Variants in CADM1 observed in about 807,000 individuals in gnomAD.
CADM1 encodes TSLC-1.
A neutral mutation model predicts 53.1 loss-of-function variants in CADM1; 15 were observed. The ratio of observed to expected loss-of-function variants is 0.28; its 90% confidence interval spans 0.19 to 0.44. CADM1 has a LOEUF of 0.44. Among genes scored for constraint, CADM1 ranks in the 20% least tolerant of loss-of-function variants. CADM1 has a pLI of 1.00. For missense variants in CADM1, 434 were observed against 611.3 expected (o/e 0.71, Z 3.06); for synonymous variants, 281 against 243.0 (o/e 1.16, Z -1.45).
rs1437775883 is a variant in CADM1 at position 115,190,827 on chromosome 11, A to T, written c.1165+61T>A. On this transcript the variant is annotated intron_variant, in intron 10 of 11. Coordinates refer to ENST00000331581, the MANE Select transcript of CADM1 (RefSeq NM_001301043.2). ...AGCAAACCAAATGGCCATTTTGTAG[A>T]AGTGGATAGAGCACCCACAGGTTGG... 7.1e-6 allele frequency: 10 copies of T among 1,400,348 alleles called. No homozygotes were observed. In the African/African-American group the frequency reaches 8.5e-5, roughly 12 times the overall value. The allele number at this position is 1,400,348 out of a possible 1,614,324, so 86.7% of individuals were successfully genotyped here.
intron 1 of CADM1, among the ~76,000 whole-genome samples, chr11:115,259,149 C>A (rs1942886061): frequency 6.6e-6 from 1 of 152,088 alleles, no homozygotes; most frequent in Non-Finnish European, 1.5e-5. Context: ...CCACGCCCAG[C>A]TAATTTTTGT....
At chr11:115,207,521 G>A (rs950484557) in intron 8 of CADM1, among the ~76,000 whole-genome samples, 8 of 152,156 alleles carry the variant, frequency 5.3e-5, no homozygotes, top group South Asian at 2.1e-4. Context: ...GAACTGAAGC[G>A]ACTCTGCTGA....
chr11:115,281,579 T>G (rs7931895), intron 1 of CADM1, among the ~76,000 whole-genome samples: 48,376 of 152,024 alleles, frequency 0.32, 8,202 homozygotes, highest in African/African-American at 0.4. Flanking sequence ...AATGGCCACC[T>G]CCAGTTTCAT....
chr11:115,285,577 G>A (rs1348958228), intron 1 of CADM1, among the ~76,000 whole-genome samples: 2 of 152,102 alleles, frequency 1.3e-5, no homozygotes, highest in African/African-American at 2.4e-5. Context: ...GAAAAGACAT[G>A]GGCTAGAAAT....
At chr11:115,239,122 A>G (rs1942121010) in intron 2 of CADM1, among the ~76,000 whole-genome samples, 1 of 152,204 alleles carries the variant, frequency 6.6e-6, no homozygotes, top group Non-Finnish European at 1.5e-5. Context: ...AAATGCCTCA[A>G]AAATTGTAAG....
At chr11:115,264,830 G>A (rs557462383) in intron 1 of CADM1, among the ~76,000 whole-genome samples, 1 of 152,178 alleles carries the variant, frequency 6.6e-6, no homozygotes, top group Non-Finnish European at 1.5e-5. Context: ...CAATCATGAT[G>A]ATTTCTCTTA....
chr11:115,200,614 G>A (rs189632867), intron 8 of CADM1, among the ~76,000 whole-genome samples: 2 of 152,162 alleles, frequency 1.3e-5, no homozygotes, highest in Non-Finnish European at 2.9e-5. Context: ...TCCTGCCTCA[G>A]CCTCCCGAGT....
At chr11:115,321,501 A>C in intron 1 of CADM1, among the ~76,000 whole-genome samples, 1 of 152,198 alleles carries the variant, frequency 6.6e-6, no homozygotes, top group East Asian at 1.9e-4. Flanking sequence ...ATCATATTCC[A>C]ATGCATTTTT....
intron 1 of CADM1, among the ~76,000 whole-genome samples, chr11:115,421,310 T>C (rs755609622): frequency 2.6e-5 from 4 of 152,164 alleles, no homozygotes; most frequent in Admixed American, 6.5e-5. Flanking sequence ...CTTAACCAAA[T>C]GAATGAGGGA....
rs1372564256 is a variant in CADM1 at position 115,382,406 on chromosome 11, G to A, written c.124+121865C>T. ...AAAAAGCTTACAGCTTAAGGGCTGT[G>A]CAGATCAAGAATGAGCAAACAAATG... On this transcript the variant is annotated intron_variant, in intron 1 of 11. Coordinates refer to ENST00000331581, the MANE Select transcript of CADM1 (RefSeq NM_001301043.2). 2.0e-5 allele frequency among the ~76,000 whole-genome samples: 3 copies of A among 152,266 alleles called. No individual in the cohort carries two copies. The East Asian group carries it at 5.8e-4, about 29-fold the overall frequency.
intron 1 of CADM1, among the ~76,000 whole-genome samples, chr11:115,475,133 T>C (rs1012338517): frequency 2.6e-5 from 4 of 152,142 alleles, no homozygotes; most frequent in African/African-American, 7.2e-5. Context: ...TGGTATACTA[T>C]TTGCATAGAA....
intron 1 of CADM1, among the ~76,000 whole-genome samples, chr11:115,315,559 A>C (rs1045047351): frequency 2.9e-4 from 44 of 152,052 alleles, no homozygotes; most frequent in African/African-American, 9.9e-4. Context: ...TTAAATTCAC[A>C]TGGCCACCTC....
At chr11:115,468,097 A>G (rs2135385740) in intron 1 of CADM1, among the ~76,000 whole-genome samples, 1 of 152,384 alleles carries the variant, frequency 6.6e-6, no homozygotes, top group African/African-American at 2.4e-5. Context: ...TGGTATCTAC[A>G]AGAAAGATAA....
At chr11:115,464,166 C>CA (rs1275019107) in intron 1 of CADM1, among the ~76,000 whole-genome samples, 2 of 152,078 alleles carry the variant, frequency 1.3e-5, no homozygotes, top group East Asian at 3.9e-4. Context: ...CTGAACAAAA[C>CA]AATCCACAAG....
chr11:115,238,915 C>T (rs1468829102), intron 2 of CADM1, among the ~76,000 whole-genome samples: 1 of 152,018 alleles, frequency 6.6e-6, no homozygotes, highest in Non-Finnish European at 1.5e-5. Context: ...CAGCTACGCA[C>T]CCTTCTAACT....
At chr11:115,188,401 T>C (rs981634796) in intron 10 of CADM1, among the ~76,000 whole-genome samples, 1 of 152,194 alleles carries the variant, frequency 6.6e-6, no homozygotes, top group Non-Finnish European at 1.5e-5. Flanking sequence ...ATAATTTCTT[T>C]ATGCAGATTA....
At chr11:115,264,772 G>A (rs113230975) in intron 1 of CADM1, among the ~76,000 whole-genome samples, 87 of 152,300 alleles carry the variant, frequency 5.7e-4, no homozygotes, top group African/African-American at 1.8e-3. Flanking sequence ...GACAATGAAC[G>A]TGCTGTTTGA....
intron 1 of CADM1, among the ~76,000 whole-genome samples, chr11:115,470,243 G>A (rs1015350543): frequency 6.6e-6 from 1 of 152,036 alleles, no homozygotes; most frequent in Non-Finnish European, 1.5e-5. Context: ...TTAGACCACT[G>A]GACAGTTCCA....
intron 1 of CADM1, among the ~76,000 whole-genome samples, chr11:115,254,373 G>A (rs1942705550): frequency 6.6e-6 from 1 of 151,202 alleles, no homozygotes; most frequent in Non-Finnish European, 1.5e-5. Context: ...ATTTTCAAAG[G>A]GTTTTTGCTT....
Sources: gnomAD v4.1 joint callset for allele counts (sites outside exome capture counted in the v4.1 genomes callset) on GRCh38, gnomAD v4.1.1 for gene constraint, MANE v1.5 for transcripts, NCBI Gene and HGNC (gene_info 2026-07-23, HGNC 2026-07-21) for gene names.